Variants in PC observed in about 807,000 individuals in gnomAD.
PC encodes the protein pyruvate carboxylase, mitochondrial.
Under a neutral mutation model 107.8 loss-of-function variants are expected in PC, and 46 were observed. The observed-to-expected ratio is 0.43, with a 90% CI of 0.34 to 0.55. The LOEUF is 0.55. Ranked by LOEUF, PC falls within the 20% of genes least tolerant of loss-of-function variation. The probability of loss-of-function intolerance (pLI) is 0.04; values close to 1 mark genes in which losing one functional copy is unlikely to be tolerated. For missense variants in PC, 1,241 were observed against 1,643.1 expected (o/e 0.76, Z 4.23); for synonymous variants, 662 against 684.7 (o/e 0.97, Z 0.52).
At chr11:66,853,183 A>C in intron 13 of PC, 56 bp downstream of exon 13, 154 of 1,578,844 alleles carry the variant, frequency 9.8e-5, no homozygotes, top group Non-Finnish European at 1.2e-4. Context: ...GGTAGGAGCA[A>C]GAGATTGGAG....
At position 66,858,359 on chromosome 11, in the gene PC, G is replaced by A. The variant is rs377099719; in HGVS notation, c.1369-4976C>T. On this transcript the variant is annotated intron_variant, in intron 12 of 22. Coordinates refer to ENST00000393960, the MANE Select transcript of PC (RefSeq NM_001040716.2). This position sits in a 1 kb window ranked among gnomAD's most constrained non-coding sequence, Gnocchi z 5.9. Reference sequence around the variant, plus strand: ...GCCTGGACCTCACCTCCAACCGCCTGGCCACGCTGGCTCCGGACCCGCTTT... The same window carrying A: ...GCCTGGACCTCACCTCCAACCGCCTAGCCACGCTGGCTCCGGACCCGCTTT... 41 of 1,594,808 alleles carry A rather than the reference G, an allele frequency of 2.6e-5. No individual in the cohort carries two copies. The highest frequency in any genetic ancestry group is 5.4e-5 in the African/African-American group (4 of 74,606).
chr11:66,856,919 G>T (rs1488888280), intron 12 of PC: 1 of 146,996 alleles, frequency 6.8e-6, no homozygotes, highest in Non-Finnish European at 1.5e-5. Flanking sequence ...CGCCGGCCCG[G>T]GCCTCGGGCG....
chr11:66,925,961 C>T (rs556993560), intron 3 of PC, among the ~76,000 whole-genome samples: 17 of 150,518 alleles, frequency 1.1e-4, no homozygotes, highest in Admixed American at 3.3e-4. Context: ...CATCATACAT[C>T]GTAGGCTACT....
intron 12 of PC, among the ~76,000 whole-genome samples, chr11:66,855,066 T>C (rs961009125): frequency 2.6e-5 from 4 of 152,234 alleles, no homozygotes; most frequent in Admixed American, 6.5e-5. Context: ...CGGGCAGGGC[T>C]GAGCGCAGAC....
rs557724065 is a variant in PC, at chr11:66,863,617, C to T, written c.1368+157G>A. Among the ~76,000 whole-genome samples, 82 of 152,262 alleles carry T rather than the reference C, an allele frequency of 5.4e-4. 1 individual carries two copies. The highest frequency in any genetic ancestry group is 1.9e-3 in the African/African-American group (79 of 41,564). On this transcript the variant is annotated intron_variant, in intron 12 of 22. Coordinates refer to ENST00000393960, the MANE Select transcript of PC (RefSeq NM_001040716.2). ...GACTCTGAAAACAGCTGGAGTCTGGCGTGCAGCTGCAGCCAAGGAGAGCCA... is the reference window on the plus strand; with the variant it reads ...GACTCTGAAAACAGCTGGAGTCTGGTGTGCAGCTGCAGCCAAGGAGAGCCA...
intron 10 of PC, among the ~76,000 whole-genome samples, chr11:66,867,863 G>C (rs983161349): frequency 5.9e-5 from 9 of 152,244 alleles, no homozygotes; most frequent in Non-Finnish European, 1.2e-4. Context: ...CATGCCCCCG[G>C]CGAGCCACAG....
chr11:66,951,512 T>G (rs931301121), intron 3 of PC, among the ~76,000 whole-genome samples: 8 of 152,078 alleles, frequency 5.3e-5, no homozygotes, highest in Non-Finnish European at 1.5e-5. Flanking sequence ...TCCCAGCATC[T>G]GGGGAGGCCG....
At chr11:66,918,682 C>G (rs1374163721) in intron 3 of PC, among the ~76,000 whole-genome samples, 1 of 152,014 alleles carries the variant, frequency 6.6e-6, no homozygotes, top group Non-Finnish European at 1.5e-5. Context: ...CCAACAAAAT[C>G]TACTTCTGCC....
chr11:66,854,520 T>A (rs997145224), intron 12 of PC, among the ~76,000 whole-genome samples: 6 of 152,166 alleles, frequency 3.9e-5, no homozygotes, highest in African/African-American at 1.4e-4. Flanking sequence ...GGTGACAACA[T>A]GAGGCTGGGC....
At position 66,935,253 on chromosome 11, in the gene PC, A is replaced by G. The variant is rs553912340; in HGVS notation, c.-1+17177T>C. Among the ~76,000 whole-genome samples the G allele has an allele frequency of 1.6e-3, 239 of 152,368 alleles. 1 individual carries two copies. Among genetic ancestry groups the G allele is most frequent in the Middle Eastern group, 0.01 (3 of 294 alleles). On this transcript the variant is annotated intron_variant, in intron 3 of 22. Transcript: ENST00000393960. The stretch of plus-strand genomic sequence containing the variant: ...TAGAAAATGGGGCATTCATTCTGCT[A>G]GATACTGATTGCCACGTAAGAATAT...
intron 3 of PC, among the ~76,000 whole-genome samples, chr11:66,936,267 T>TGGGG (rs113533937): frequency 3.5e-5 from 5 of 143,274 alleles, no homozygotes; most frequent in Admixed American, 2.1e-4. Flanking sequence ...AAAAAAAAGG[T>TGGGG]GGGGGGGGAG....
At chr11:66,921,013 G>A (rs1206743399) in intron 3 of PC, among the ~76,000 whole-genome samples, 2 of 150,208 alleles carry the variant, frequency 1.3e-5, no homozygotes, top group South Asian at 2.1e-4. Flanking sequence ...GTGGCGGAGC[G>A]AGACTCCGTC....
In PC at chr11:66,859,544, G is replaced by A. The variant is rs542518914; in HGVS notation, c.1368+4230C>T. ...CCAAGAGCCCGAGTGGCCCCAGGGG[G>A]AGGGGTGTTTGGAGCTGGGAGCACG... is the stretch of plus-strand genomic sequence containing the variant. On this transcript the variant is annotated intron_variant, in intron 12 of 22. Coordinates refer to ENST00000393960, the MANE Select transcript of PC (RefSeq NM_001040716.2). The A allele has an allele frequency of 4.9e-4, 775 of 1,567,592 alleles. 8 individuals carry two copies. In the South Asian group the frequency reaches 8.6e-3, roughly 17 times the overall value.
chr11:66,931,606 A>G (rs1228125469), intron 3 of PC, among the ~76,000 whole-genome samples: 1 of 152,174 alleles, frequency 6.6e-6, no homozygotes, highest in Non-Finnish European at 1.5e-5. Context: ...AAAACATGCA[A>G]TGGCACACAG....
intron 12 of PC, chr11:66,860,066 CTACGGTT>C (rs1565229215): frequency 2.6e-6 from 4 of 1,564,244 alleles, no homozygotes; most frequent in Non-Finnish European, 8.7e-7. Context: ...ATGCCGGGTG[CTACGGTT>C]ATGCCAGGCG....
intron 3 of PC, among the ~76,000 whole-genome samples, chr11:66,916,522 G>C (rs1591278961): frequency 6.6e-6 from 1 of 152,236 alleles, no homozygotes; most frequent in Admixed American, 6.5e-5. Flanking sequence ...GGAGCTGCCA[G>C]TCCTGAGACC....
chr11:66,921,008 G>A (rs892581483), intron 3 of PC, among the ~76,000 whole-genome samples: 2 of 151,524 alleles, frequency 1.3e-5, no homozygotes, highest in South Asian at 2.1e-4. Flanking sequence ...GCTGGGTGGC[G>A]GAGCGAGACT....
intron 3 of PC, among the ~76,000 whole-genome samples, chr11:66,907,350 A>G (rs999782614): frequency 6.6e-6 from 1 of 152,160 alleles, no homozygotes; most frequent in Non-Finnish European, 1.5e-5. Flanking sequence ...CAGCATGGTG[A>G]AACCCCGTCT....
At chr11:66,893,979 T>A (rs1042746576) in intron 3 of PC, among the ~76,000 whole-genome samples, 9 of 151,826 alleles carry the variant, frequency 5.9e-5, no homozygotes, top group Non-Finnish European at 8.8e-5. Context: ...ATCCCTCACA[T>A]CCTTCCCTCT....
Sources: gnomAD v4.1 joint callset for allele counts (sites outside exome capture counted in the v4.1 genomes callset) on GRCh38, gnomAD v4.1.1 for gene constraint, Gnocchi (gnomAD v3.1) non-coding constraint, MANE v1.5 for transcripts, NCBI Gene and HGNC (gene_info 2026-07-23, HGNC 2026-07-21) for gene names.